PHF14: variants seen among roughly 807,000 people sequenced by gnomAD.
The protein encoded by PHF14 is PHD finger protein 14.
Under a neutral mutation model 117.9 loss-of-function variants are expected in PHF14, and 55 were observed. The observed-to-expected ratio is 0.47, with a 90% CI of 0.38 to 0.58. The LOEUF is 0.58. Among genes scored for constraint, PHF14 ranks in the 20% least tolerant of loss-of-function variants. PHF14 has a pLI of 0.00. For synonymous variants in PHF14, 409 were observed against 368.6 expected (o/e 1.11, Z -1.26); for missense variants, 978 against 1,122.2 (o/e 0.87, Z 1.84).
intron 16 of PHF14, among the ~76,000 whole-genome samples, chr7:11,067,646 C>T (rs1479340947): frequency 1.3e-5 from 2 of 152,110 alleles, no homozygotes; most frequent in African/African-American, 4.8e-5. Context: ...AGAAGAAATA[C>T]CTGAGGGTGG....
chr7:11,061,762 T>G, intron 14 of PHF14, 29 bp from the exon 15 acceptor site: 1 of 1,486,956 alleles, frequency 6.7e-7, no homozygotes, highest in Non-Finnish European at 8.9e-7. Flanking sequence ...GGATTTTTGT[T>G]TTTTGTTTTT....
intron 16 of PHF14, among the ~76,000 whole-genome samples, chr7:11,084,955 T>G (rs1322440142): frequency 6.6e-6 from 1 of 152,184 alleles, no homozygotes; most frequent in Non-Finnish European, 1.5e-5. Flanking sequence ...ATTACATATC[T>G]TTGTATAAGT....
intron 17 of PHF14, among the ~76,000 whole-genome samples, chr7:11,118,847 G>A (rs1032643499): frequency 2.0e-5 from 3 of 151,652 alleles, no homozygotes; most frequent in Non-Finnish European, 3.0e-5. Context: ...TATTCCTTAA[G>A]CATCATTTTG....
At chr7:10,987,215 G>T (rs1435539369) in intron 3 of PHF14, among the ~76,000 whole-genome samples, 1 of 152,110 alleles carries the variant, frequency 6.6e-6, no homozygotes, top group Non-Finnish European at 1.5e-5. Flanking sequence ...TAAATATCGA[G>T]ATTCATGAGA....
Position 10,974,176 on chromosome 7 carries a change from G to A in PHF14, c.-148G>A. On this transcript the variant is annotated 5_prime_UTR_variant, in exon 1 of 18. Coordinates refer to ENST00000634607, the MANE Select transcript of PHF14 (RefSeq NM_001007157.2). ...TAGGGGACCGCGGGGCTACTCTTGG[G>A]AGCGCCCCTGTCCGGCTGGCTGCGC... 1.4e-6 allele frequency: 1 copy of A among 700,008 alleles called. No individual in the cohort carries two copies. Among genetic ancestry groups the A allele is most frequent in the Non-Finnish European group, 2.5e-6 (1 of 399,298 alleles). 43.4% of individuals were successfully genotyped at this position (700,008 alleles called of 1,614,324 possible).
At chr7:11,037,992 A>G (rs1413969110) in intron 10 of PHF14, among the ~76,000 whole-genome samples, 2 of 152,224 alleles carry the variant, frequency 1.3e-5, no homozygotes, top group Non-Finnish European at 2.9e-5. Flanking sequence ...AAACTGTAAA[A>G]GAAGGTATAA....
chr7:10,995,804 C>T (rs1782623834), intron 4 of PHF14, among the ~76,000 whole-genome samples: 1 of 152,176 alleles, frequency 6.6e-6, no homozygotes, highest in African/African-American at 2.4e-5. Flanking sequence ...GTGCTAAGCC[C>T]CTCACTGCCC....
intron 14 of PHF14, among the ~76,000 whole-genome samples, chr7:11,053,282 G>A (rs930442924): frequency 7.2e-5 from 11 of 151,846 alleles, no homozygotes; most frequent in African/African-American, 2.7e-4. Context: ...TTGTGTTATG[G>A]GGTCATATAA....
intron 5 of PHF14, among the ~76,000 whole-genome samples, chr7:11,019,476 T>C (rs1783652253): frequency 6.6e-6 from 1 of 152,190 alleles, no homozygotes; most frequent in Non-Finnish European, 1.5e-5. Flanking sequence ...TGGTAGGTTG[T>C]ATGTGTCTAG....
chr7:11,148,828 CTG>C (rs774838472), intron 17 of PHF14, among the ~76,000 whole-genome samples: 29 of 152,304 alleles, frequency 1.9e-4, no homozygotes, highest in East Asian at 5.8e-4. Context: ...CTTTCACCAA[CTG>C]TGCATCTGAG....
chr7:10,977,411 T>C (rs1781905235), intron 2 of PHF14, among the ~76,000 whole-genome samples: 1 of 152,170 alleles, frequency 6.6e-6, no homozygotes, highest in Admixed American at 6.5e-5. Context: ...TACCTTCATC[T>C]TGAAATCTGA....
At chr7:11,013,936 G>T in intron 5 of PHF14, 30 bp downstream of exon 5, 1 of 1,512,928 alleles carries the variant, frequency 6.6e-7, no homozygotes, top group Non-Finnish European at 9.1e-7. Flanking sequence ...TGGTTCATAT[G>T]TTTGCTTTAT....
chr7:11,160,980 T>G (rs1325299923), intron 17 of PHF14, among the ~76,000 whole-genome samples: 1 of 152,188 alleles, frequency 6.6e-6, no homozygotes, highest in African/African-American at 2.4e-5. Flanking sequence ...AGTCATAAAT[T>G]CTTTCCACAG....
chr7:11,133,359 A>G (rs1280009420), intron 17 of PHF14, among the ~76,000 whole-genome samples: 3 of 152,102 alleles, frequency 2.0e-5, no homozygotes, highest in Non-Finnish European at 2.9e-5. Flanking sequence ...AAATAGGTCA[A>G]TGAAACAGAA....
Position 11,134,059 on chromosome 7 carries a change from G to A in PHF14, c.2772+22592G>A, listed in dbSNP as rs553199348. Among the ~76,000 whole-genome samples the A allele has an allele frequency of 3.0e-3, 457 of 152,070 alleles. 2 individuals carry two copies. Among genetic ancestry groups the A allele is most frequent in the African/African-American group, 0.01 (436 of 41,538 alleles). On this transcript the variant is annotated intron_variant, in intron 17 of 17. Coordinates refer to ENST00000634607, the MANE Select transcript of PHF14 (RefSeq NM_001007157.2). ...GTTTATCAAAGACTATCCAGTGCCT[G>A]GGAAATTTTTCTTGTCTTGTCAGGA...
At chr7:11,135,909 G>A (rs999091245) in intron 17 of PHF14, among the ~76,000 whole-genome samples, 1 of 152,036 alleles carries the variant, frequency 6.6e-6, no homozygotes, top group Non-Finnish European at 1.5e-5. Flanking sequence ...TTTTCAGCTG[G>A]CTGACCAAGG....
intron 13 of PHF14, among the ~76,000 whole-genome samples, chr7:11,043,548 G>A (rs976024506): frequency 2.0e-5 from 3 of 152,042 alleles, no homozygotes; most frequent in Non-Finnish European, 4.4e-5. Context: ...CTCTACAAGA[G>A]GTTGTGTGTG....
intron 17 of PHF14, among the ~76,000 whole-genome samples, chr7:11,147,948 T>G (rs1788594177): frequency 6.6e-6 from 1 of 152,204 alleles, no homozygotes; most frequent in Non-Finnish European, 1.5e-5. Context: ...GATTCTTCTC[T>G]ATTCCCATCA....
At chr7:11,118,204 C>T (rs955825345) in intron 17 of PHF14, among the ~76,000 whole-genome samples, 3 of 151,874 alleles carry the variant, frequency 2.0e-5, no homozygotes, top group African/African-American at 7.2e-5. Flanking sequence ...GTTTTGTAGA[C>T]TTACTAAAAG....
Sources: allele counts gnomAD v4.1 joint callset (sites outside exome capture counted in the v4.1 genomes callset), GRCh38; gene constraint gnomAD v4.1.1; transcripts MANE v1.5; gene names NCBI Gene and HGNC (gene_info 2026-07-23, HGNC 2026-07-21).